Variants in PTPRG observed in about 807,000 individuals in gnomAD.
The protein encoded by PTPRG is receptor-type tyrosine-protein phosphatase gamma.
Under a neutral mutation model 165.3 loss-of-function variants are expected in PTPRG, and 102 were observed. The observed-to-expected ratio is 0.62, with a 90% CI of 0.53 to 0.73. The LOEUF (loss-of-function observed/expected upper bound fraction) is 0.73, where lower values mean the gene tolerates loss of function less well. PTPRG is among the 30% of genes least tolerant of loss of function. The probability of loss-of-function intolerance (pLI) is 0.00; values close to 1 mark genes in which losing one functional copy is unlikely to be tolerated. For synonymous variants in PTPRG, 675 were observed against 669.5 expected (o/e 1.01, Z -0.13); for missense variants, 1,866 against 1,861.4 (o/e 1.00, Z -0.05).
intron 4 of PTPRG, among the ~76,000 whole-genome samples, chr3:62,006,487 A>G (rs2041301514): frequency 6.6e-6 from 1 of 152,164 alleles, no homozygotes; most frequent in Non-Finnish European, 1.5e-5. Flanking sequence ...ATTGTTTTCC[A>G]TATAACTACA....
At position 61,574,843 on chromosome 3, in the gene PTPRG, G is replaced by T. The variant is rs191155309; in HGVS notation, c.85+12471G>T. Among the ~76,000 whole-genome samples the T allele has an allele frequency of 3.9e-4, 59 of 152,250 alleles. No individual in the cohort carries two copies. The East Asian group carries it at 9.9e-3, about 25-fold the overall frequency. ...ATGTGCAAAGAGAGGCAAAACCCAA[G>T]TGATGCCCTGGCTTCGTAACAACCC... On this transcript the variant is annotated intron_variant, in intron 1 of 29. Transcript: ENST00000474889.
intron 1 of PTPRG, among the ~76,000 whole-genome samples, chr3:61,586,492 T>C (rs1700438004): frequency 6.6e-6 from 1 of 152,216 alleles, no homozygotes; most frequent in African/African-American, 2.4e-5. Context: ...AGGTCACTGA[T>C]AGGAAACTAA....
chr3:61,813,912 G>T (rs912631356), intron 2 of PTPRG, among the ~76,000 whole-genome samples: 5 of 150,000 alleles, frequency 3.3e-5, no homozygotes, highest in African/African-American at 1.2e-4. Flanking sequence ...TTTTGGGGGG[G>T]GTTGGAGTCT....
At chr3:62,074,454 C>G (rs769793836) in intron 4 of PTPRG, among the ~76,000 whole-genome samples, 1 of 148,034 alleles carries the variant, frequency 6.8e-6, no homozygotes, top group Non-Finnish European at 1.5e-5. Context: ...CTCCTGGGCT[C>G]GAGCAATCCT....
At chr3:61,610,273 G>A (rs1250477722) in intron 1 of PTPRG, among the ~76,000 whole-genome samples, 1 of 151,908 alleles carries the variant, frequency 6.6e-6, no homozygotes, top group Non-Finnish European at 1.5e-5. Context: ...AGTGCTGTGT[G>A]TTCACTTCTA....
In PTPRG at chr3:61,758,639, G is replaced by A. The variant is rs557108368; in HGVS notation, c.190+9657G>A. Among the ~76,000 whole-genome samples the A allele has an allele frequency of 2.1e-3, 316 of 152,184 alleles. 3 individuals are homozygous for A. Among genetic ancestry groups the A allele is most frequent in the Non-Finnish European group, 1.5e-3 (103 of 68,014 alleles). The stretch of plus-strand genomic sequence containing the variant: ...GCTAATTTTTGTATATTTTAGTAGA[G>A]ACGGGGTTTCACCATATTGGCCAGG... On this transcript the variant is annotated intron_variant, in intron 2 of 29. Transcript: ENST00000474889.
chr3:62,118,953 C>T (rs1343552565), intron 5 of PTPRG, among the ~76,000 whole-genome samples: 1 of 152,252 alleles, frequency 6.6e-6, no homozygotes, highest in African/African-American at 2.4e-5. Flanking sequence ...TTCCCTGCTT[C>T]ACCTCTTTAA....
chr3:61,711,309 A>G (rs2031543127), intron 1 of PTPRG, among the ~76,000 whole-genome samples: 1 of 152,184 alleles, frequency 6.6e-6, no homozygotes, highest in South Asian at 2.1e-4. Flanking sequence ...GCTGGGTCAG[A>G]TGGTATTTCT....
intron 4 of PTPRG, among the ~76,000 whole-genome samples, chr3:62,070,936 T>TAA (rs60751536): frequency 0.059 from 8,648 of 146,368 alleles, 797 homozygotes; most frequent in African/African-American, 0.2. Context: ...AAAGTATAAT[T>TAA]AAAAAAAAAA....
intron 5 of PTPRG, chr3:62,118,424 C>G (rs1445461184): frequency 2.0e-5 from 3 of 152,110 alleles, no homozygotes; most frequent in Non-Finnish European, 1.5e-5. Context: ...TAATTTGAAC[C>G]AAGGCAACCT....
At chr3:62,031,572 C>T (rs1156286211) in intron 4 of PTPRG, among the ~76,000 whole-genome samples, 1 of 152,138 alleles carries the variant, frequency 6.6e-6, no homozygotes, top group East Asian at 1.9e-4. Flanking sequence ...GCGCAGTGAG[C>T]TACCTGATCC....
chr3:61,778,737 G>C (rs775494671), intron 2 of PTPRG, among the ~76,000 whole-genome samples: 3 of 152,150 alleles, frequency 2.0e-5, no homozygotes, highest in Non-Finnish European at 4.4e-5. Flanking sequence ...ATCTCAGATA[G>C]ATAACAGCAG....
chr3:61,994,667 T>C (rs2040977234), intron 3 of PTPRG, among the ~76,000 whole-genome samples: 1 of 152,210 alleles, frequency 6.6e-6, no homozygotes, highest in Non-Finnish European at 1.5e-5. Context: ...AAGTTTTTAG[T>C]AGAGTAGCAA....
rs1269036541 is a variant in PTPRG at position 62,168,015 on chromosome 3, T to C, written c.885T>C (p.His295=). Reference sequence around the variant, plus strand: ...TCTTCACCACGGAGCAGCAAGACCATGTCAAGTCGGTGGAGTATCTGAGAA... The same window carrying C: ...TCTTCACCACGGAGCAGCAAGACCACGTCAAGTCGGTGGAGTATCTGAGAA... ...YSIFTTEQQD[H]VKSVEYLRNN... Residue 295 remains histidine, a synonymous_variant, in exon 8 of 30, where the codon CAT becomes CAC. Transcript: ENST00000474889. 2 of 1,613,822 alleles carry C rather than the reference T, an allele frequency of 1.2e-6. No individual in the cohort carries two copies. The highest frequency in any genetic ancestry group is 1.3e-5 in the African/African-American group (1 of 74,958).
rs1184016404 is a variant in PTPRG, at chr3:62,228,528, AAG to A, written c.2289-2695_2289-2694del. Among the ~76,000 whole-genome samples, 46 of 152,054 alleles carry A rather than the reference AAG, an allele frequency of 3.0e-4. No individual in the cohort carries two copies. Among genetic ancestry groups the A allele is most frequent in the African/African-American group, 1.1e-3 (46 of 41,496 alleles). ...AACTCCATCTCAAAAAAAAAAAAGA[AAG>A]AAAGAAAAAAGAAAAAGAAAAAGGA... On this transcript the variant is annotated intron_variant, in intron 13 of 29. Coordinates refer to ENST00000474889, the MANE Select transcript of PTPRG (RefSeq NM_002841.4). This position sits in a 1 kb window ranked among gnomAD's most constrained non-coding sequence, Gnocchi z 4.1.
intron 2 of PTPRG, among the ~76,000 whole-genome samples, chr3:61,829,428 G>C (rs1487830458): frequency 6.6e-6 from 1 of 152,236 alleles, no homozygotes; most frequent in Non-Finnish European, 1.5e-5. Context: ...GGTGCAGGCT[G>C]GGGGCCATTT....
At chr3:61,664,085 C>T (rs1702742533) in intron 1 of PTPRG, among the ~76,000 whole-genome samples, 1 of 152,178 alleles carries the variant, frequency 6.6e-6, no homozygotes, top group Admixed American at 6.5e-5. Flanking sequence ...CATGTACTTT[C>T]TGTTTTGGCA....
chr3:61,978,901 C>A (rs759650369), intron 2 of PTPRG, among the ~76,000 whole-genome samples: 1 of 152,102 alleles, frequency 6.6e-6, no homozygotes, highest in Non-Finnish European at 1.5e-5. Context: ...ATGGTTTAGT[C>A]CCGTAGATCT....
At chr3:61,665,469 T>TACACACACACACACAC (rs10662394) in intron 1 of PTPRG, among the ~76,000 whole-genome samples, 46 of 144,026 alleles carry the variant, frequency 3.2e-4, no homozygotes, top group African/African-American at 4.7e-4. Flanking sequence ...TGTAAATAAA[T>TACACACACACACACAC]ACACACACAC....
Sources: gnomAD v4.1 joint callset for allele counts (sites outside exome capture counted in the v4.1 genomes callset) on GRCh38, gnomAD v4.1.1 for gene constraint, Gnocchi (gnomAD v3.1) non-coding constraint, MANE v1.5 for transcripts, NCBI Gene and HGNC (gene_info 2026-07-23, HGNC 2026-07-21) for gene names.